KANK1: variants seen among roughly 807,000 people sequenced by gnomAD.
The protein encoded by KANK1 is KN motif and ankyrin repeat domains 1.
In KANK1, 109 loss-of-function variants were observed where a neutral mutation model predicts 106.2. That is an observed-to-expected ratio of 1.03 (90% confidence interval 0.88 to 1.20). The LOEUF is 1.20. Among genes scored for constraint, KANK1 ranks in the 50% most tolerant of loss-of-function variants. The pLI, the probability that KANK1 is intolerant of heterozygous loss-of-function variation, is 0.00. For missense variants in KANK1, 2,399 were observed against 1,710.7 expected (o/e 1.40, Z -7.10); for synonymous variants, 873 against 652.2 (o/e 1.34, Z -5.16).
chr9:663,194 T>C (rs993579004), intron 1 of KANK1, among the ~76,000 whole-genome samples: 7 of 147,404 alleles, frequency 4.7e-5, no homozygotes, highest in Non-Finnish European at 1.1e-4. Context: ...TTAAAATAAA[T>C]AAATGAACAG....
intron 1 of KANK1, among the ~76,000 whole-genome samples, chr9:552,783 G>A (rs2641988): frequency 0.61 from 92,020 of 152,034 alleles, 28,937 homozygotes; most frequent in South Asian, 0.72. Context: ...TTGTGGTTAG[G>A]TATTGCATAC....
At chr9:546,709 G>A (rs1563748615) in intron 1 of KANK1, among the ~76,000 whole-genome samples, 1 of 141,198 alleles carries the variant, frequency 7.1e-6, no homozygotes, top group Non-Finnish European at 1.5e-5. Flanking sequence ...AGGCAATCTT[G>A]TGTCCTTATT....
At chr9:525,592 G>C (rs2059754465) in intron 1 of KANK1, among the ~76,000 whole-genome samples, 1 of 151,560 alleles carries the variant, frequency 6.6e-6, no homozygotes, top group South Asian at 2.1e-4. Context: ...TGTTGGCCAG[G>C]CTGGTCTCGA....
chr9:714,478 A>G (rs560001718), intron 3 of KANK1, among the ~76,000 whole-genome samples: 1 of 148,670 alleles, frequency 6.7e-6, no homozygotes, highest in African/African-American at 2.5e-5. Flanking sequence ...TTGTGTCTCA[A>G]CCTCCTGAGT....
At chr9:677,983 T>C (rs1426874151) in intron 2 of KANK1, among the ~76,000 whole-genome samples, 1 of 152,188 alleles carries the variant, frequency 6.6e-6, no homozygotes, top group Non-Finnish European at 1.5e-5. Context: ...AGAGGAGCTA[T>C]GTAAGCCGTA....
At chr9:704,710 G>C (rs1451234216) in intron 2 of KANK1, among the ~76,000 whole-genome samples, 6 of 152,162 alleles carry the variant, frequency 3.9e-5, no homozygotes, top group Non-Finnish European at 2.9e-5. Flanking sequence ...GCCAGGTATA[G>C]TGGCTTACAC....
At chr9:642,564 C>T (rs930750940) in intron 1 of KANK1, among the ~76,000 whole-genome samples, 4 of 151,008 alleles carry the variant, frequency 2.6e-5, no homozygotes, top group Non-Finnish European at 2.9e-5. Context: ...CTTGGACACA[C>T]TCAGCTACTA....
chr9:690,574 A>G (rs764365365), intron 2 of KANK1, among the ~76,000 whole-genome samples: 5 of 152,098 alleles, frequency 3.3e-5, no homozygotes, highest in African/African-American at 4.8e-5. Context: ...GTGGTGGGGA[A>G]AGATGAGGGC....
At chr9:672,038 G>C (rs929145758) in intron 1 of KANK1, among the ~76,000 whole-genome samples, 1 of 152,164 alleles carries the variant, frequency 6.6e-6, no homozygotes, top group Non-Finnish European at 1.5e-5. Context: ...AAGCATATAG[G>C]TAACTAAGGT....
intron 1 of KANK1, among the ~76,000 whole-genome samples, chr9:587,382 T>TA (rs1218154827): frequency 6.6e-6 from 1 of 152,156 alleles, no homozygotes; most frequent in Non-Finnish European, 1.5e-5. Context: ...AGTCAATAAA[T>TA]ACCCCATTTT....
intron 1 of KANK1, among the ~76,000 whole-genome samples, chr9:524,937 C>G (rs2059715204): frequency 6.8e-6 from 1 of 146,022 alleles, no homozygotes; most frequent in South Asian, 2.1e-4. Flanking sequence ...CTACTATTGT[C>G]TATTGCTTTA....
intron 1 of KANK1, among the ~76,000 whole-genome samples, chr9:562,814 CTGATTTTGCT>C (rs1816841192): frequency 6.6e-6 from 1 of 152,168 alleles, no homozygotes; most frequent in African/African-American, 2.4e-5. Flanking sequence ...GAAGTTGGGT[CTGATTTTGCT>C]TGATTTTGCC....
rs16920598 is a variant in KANK1 at position 589,934 on chromosome 9, C to T, written c.-84+85180C>T. Among the ~76,000 whole-genome samples the T allele has an allele frequency of 6.5e-3, 984 of 152,206 alleles. 13 individuals carry two copies. The highest frequency in any genetic ancestry group is 0.022 in the African/African-American group (925 of 41,542). ...TCCAAGTCGACAGATTCTGTGAACCCCTTAGGCATGCTGAGGATTTCCTTG... is the reference window on the plus strand; with the variant it reads ...TCCAAGTCGACAGATTCTGTGAACCTCTTAGGCATGCTGAGGATTTCCTTG... On this transcript the variant is annotated intron_variant, in intron 1 of 11. Coordinates refer to ENST00000382297, the MANE Select transcript of KANK1 (RefSeq NM_015158.5).
chr9:649,085 T>C (rs781363411), intron 1 of KANK1, among the ~76,000 whole-genome samples: 19 of 152,336 alleles, frequency 1.2e-4, no homozygotes, highest in Non-Finnish European at 2.1e-4. Flanking sequence ...GGTATGTTTT[T>C]ACTGTATCTC....
At chr9:677,057 A>G in intron 2 of KANK1, 48 bp downstream of exon 2, 1 of 1,546,438 alleles carries the variant, frequency 6.5e-7, no homozygotes, top group South Asian at 1.1e-5. Flanking sequence ...GTCTTTTCTC[A>G]AACTAATTTT....
chr9:505,032 C>T (rs1165644667), intron 1 of KANK1, among the ~76,000 whole-genome samples: 4 of 151,686 alleles, frequency 2.6e-5, no homozygotes, highest in Admixed American at 6.6e-5. Context: ...CGGCGGCGCT[C>T]GGCCGGTCTG....
chr9:737,835 G>A (rs1378716908), intron 7 of KANK1, among the ~76,000 whole-genome samples: 4 of 152,200 alleles, frequency 2.6e-5, no homozygotes, highest in Non-Finnish European at 5.9e-5. Flanking sequence ...TATGAAAATT[G>A]TTTGCAAGGC....
At chr9:587,519 G>A (rs373912953) in intron 1 of KANK1, among the ~76,000 whole-genome samples, 1 of 152,084 alleles carries the variant, frequency 6.6e-6, no homozygotes, top group Non-Finnish European at 1.5e-5. Context: ...CTAGAAAATA[G>A]AGAGTTTAAA....
intron 8 of KANK1, among the ~76,000 whole-genome samples, chr9:739,513 T>A (rs1168860078): frequency 6.6e-6 from 1 of 152,228 alleles, no homozygotes; most frequent in African/African-American, 2.4e-5. Context: ...AGGGTATAAC[T>A]GCTTCCATCT....
Sources: allele counts gnomAD v4.1 joint callset (sites outside exome capture counted in the v4.1 genomes callset), GRCh38; gene constraint gnomAD v4.1.1; transcripts MANE v1.5; gene names NCBI Gene and HGNC (gene_info 2026-07-23, HGNC 2026-07-21).